The following FMN1 variants were observed in gnomAD, a reference collection of about 807,000 sequenced individuals.
FMN1 encodes formin-1.
Under a neutral mutation model 132.4 loss-of-function variants are expected in FMN1, and 110 were observed. That is an observed-to-expected ratio of 0.83 (90% CI 0.71 to 0.97). The LOEUF is 0.97. Ranked by LOEUF, FMN1 falls within the 50% of genes least tolerant of loss-of-function variation. The pLI, the probability that FMN1 is intolerant of heterozygous loss-of-function variation, is 0.00. For missense variants in FMN1, 1,792 were observed against 1,705.3 expected, an observed-to-expected ratio of 1.05 and a Z score of -0.90; for synonymous variants, 722 against 651.7, an observed-to-expected ratio of 1.11 and a Z score of -1.64.
At chr15:32,932,081 T>C (rs2061134238) in intron 9 of FMN1, among the ~76,000 whole-genome samples, 1 of 152,218 alleles carries the variant, frequency 6.6e-6, no homozygotes, top group South Asian at 2.1e-4. Context: ...TGATGGTATA[T>C]GATCCTTTTA....
intron 6 of FMN1, among the ~76,000 whole-genome samples, chr15:33,047,180 C>A (rs1271661813): frequency 1.3e-5 from 2 of 152,190 alleles, no homozygotes; most frequent in African/African-American, 4.8e-5. Flanking sequence ...TTTGCTGATT[C>A]TTTTCCCCCA....
chr15:33,125,609 G>A (rs899578581), intron 4 of FMN1, among the ~76,000 whole-genome samples: 3 of 152,078 alleles, frequency 2.0e-5, no homozygotes, highest in African/African-American at 7.2e-5. Context: ...GAAGGCCAAG[G>A]CGGGCAGATC....
At chr15:33,022,250 C>CA (rs2035452420) in intron 6 of FMN1, among the ~76,000 whole-genome samples, 1 of 152,048 alleles carries the variant, frequency 6.6e-6, no homozygotes, top group South Asian at 2.1e-4. Context: ...GTTGGATTTG[C>CA]AAATGCAGAA....
At position 33,060,835 on chromosome 15, in the gene FMN1, C is replaced by G. The variant is rs112381904; in HGVS notation, c.2161+4122G>C. Among the ~76,000 whole-genome samples, 784 of 152,326 alleles carry G rather than the reference C, an allele frequency of 5.1e-3. 6 individuals are homozygous for G. Among genetic ancestry groups the G allele is most frequent in the African/African-American group, 0.017 (687 of 41,574 alleles). On this transcript the variant is annotated intron_variant, in intron 6 of 20. Coordinates refer to ENST00000616417, the MANE Select transcript of FMN1 (RefSeq NM_001277313.2). Reference sequence around the variant, plus strand: ...TTTCTTTCTCATTCTGTGAGTAATTCAGTCACTGACAGTTCCCTAAATGTT... The same window carrying G: ...TTTCTTTCTCATTCTGTGAGTAATTGAGTCACTGACAGTTCCCTAAATGTT...
chr15:32,969,365 C>T lies in FMN1; in HGVS notation c.2336G>A (p.Gly779Glu), dbSNP rs2031575962. 1 of 1,613,918 alleles carries T rather than the reference C, an allele frequency of 6.2e-7. No homozygotes were observed. The highest frequency in any genetic ancestry group is 8.5e-7 in the Non-Finnish European group (1 of 1,179,892). Reference protein sequence around the residue: ...LKHELEHRWRGGCEERKDVCI... With the variant: ...LKHELEHRWREGCEERKDVCI... ...CACATCTTTCCTCTCTTCACAACCC[C>T]CTCGCCATCTGTGTTCTAGCTCGTG... Residue 779 changes from glycine (G) to glutamate (E), a missense_variant, in exon 8 of 21, where the codon GGG becomes GAG. Physicochemically the swap from Gly to Glu is moderately conservative, Grantham distance 98. This residue lies in a region of FMN1 where 1,150 missense variants were observed against 1,043.1 expected (regional missense o/e 1.10). Coordinates refer to ENST00000616417, the MANE Select transcript of FMN1 (RefSeq NM_001277313.2).
At chr15:33,055,422 G>A (rs1012594951) in intron 6 of FMN1, among the ~76,000 whole-genome samples, 8 of 152,144 alleles carry the variant, frequency 5.3e-5, no homozygotes, top group East Asian at 1.9e-4. Flanking sequence ...CCTGATCACC[G>A]TGGGTACATG....
intron 16 of FMN1, among the ~76,000 whole-genome samples, chr15:32,871,117 A>G (rs1171526379): frequency 6.6e-6 from 1 of 152,100 alleles, no homozygotes; most frequent in Non-Finnish European, 1.5e-5. Context: ...TCTGAAGGGG[A>G]AGGGAACTCA....
intron 6 of FMN1, among the ~76,000 whole-genome samples, chr15:33,027,375 A>G (rs567840659): frequency 8.3e-4 from 126 of 152,316 alleles, no homozygotes; most frequent in African/African-American, 2.8e-3. Context: ...AAATATACTA[A>G]GTAATTACTC....
intron 3 of FMN1, among the ~76,000 whole-genome samples, chr15:33,175,737 C>CCA: frequency 6.6e-6 from 1 of 152,188 alleles, no homozygotes. Context: ...TCTTCCCATC[C>CCA]CACACACACA....
intron 7 of FMN1, among the ~76,000 whole-genome samples, chr15:32,998,555 T>A (rs1312592300): frequency 2.0e-5 from 3 of 149,660 alleles, no homozygotes; most frequent in Non-Finnish European, 2.9e-5. Flanking sequence ...AATTATTGAG[T>A]GAGGCAGGAC....
At chr15:33,058,107 C>A (rs969383100) in intron 6 of FMN1, among the ~76,000 whole-genome samples, 9 of 107,678 alleles carry the variant, frequency 8.4e-5, no homozygotes, top group Admixed American at 2.6e-4. Context: ...TGGAAAGGTG[C>A]GGCGGGGCTG....
intron 4 of FMN1, among the ~76,000 whole-genome samples, chr15:33,098,663 G>A (rs1595466463): frequency 6.6e-6 from 1 of 152,304 alleles, no homozygotes; most frequent in Non-Finnish European, 1.5e-5. Context: ...GACAGCGGAG[G>A]AGAATTTCTA....
intron 4 of FMN1, among the ~76,000 whole-genome samples, chr15:33,125,765 T>C (rs989982081): frequency 6.6e-5 from 10 of 152,334 alleles, no homozygotes; most frequent in African/African-American, 1.9e-4. Context: ...TGGTGAAATT[T>C]TGGTAAAAAC....
At chr15:33,114,667 G>C (rs910171687) in intron 4 of FMN1, among the ~76,000 whole-genome samples, 1 of 152,170 alleles carries the variant, frequency 6.6e-6, no homozygotes, top group African/African-American at 2.4e-5. Context: ...TTTGGAGAGA[G>C]CCTGTGGGTA....
intron 20 of FMN1, among the ~76,000 whole-genome samples, chr15:32,774,871 C>A (rs1481812409): frequency 6.6e-6 from 1 of 152,192 alleles, no homozygotes; most frequent in African/African-American, 2.4e-5. Flanking sequence ...GGATGTTATG[C>A]TCTTCATTCT....
intron 10 of FMN1, among the ~76,000 whole-genome samples, chr15:32,923,346 A>G (rs564102060): frequency 6.6e-6 from 1 of 152,386 alleles, no homozygotes; most frequent in South Asian, 2.1e-4. Flanking sequence ...AGAATGAAAT[A>G]TAACTGATAC....
intron 6 of FMN1, among the ~76,000 whole-genome samples, chr15:33,046,847 C>CTTA (rs3081663): frequency 6.6e-6 from 1 of 151,760 alleles, no homozygotes; most frequent in Non-Finnish European, 1.5e-5. Flanking sequence ...TGAGGCTAGT[C>CTTA]AAGCTGTAGC....
In FMN1 at chr15:32,937,945, G is replaced by A. The variant is rs147104698; in HGVS notation, c.3139-11684C>T. On this transcript the variant is annotated intron_variant, in intron 9 of 20. Transcript: ENST00000616417. Reference sequence around the variant, plus strand: ...TGTGAACACACATAGAAATGGTTCAGTACAACCCAAGACTTTGATATACAC... The same window carrying A: ...TGTGAACACACATAGAAATGGTTCAATACAACCCAAGACTTTGATATACAC... 2.2e-3 allele frequency among the ~76,000 whole-genome samples: 336 copies of A among 152,302 alleles called. 1 individual carries two copies. Among genetic ancestry groups the A allele is most frequent in the Admixed American group, 3.7e-3 (56 of 15,300 alleles).
intron 9 of FMN1, among the ~76,000 whole-genome samples, chr15:32,930,431 G>T (rs531070866): frequency 6.7e-6 from 1 of 149,240 alleles, no homozygotes. Context: ...TTTTGACAGT[G>T]GCCATTCTGA....
Sources: allele counts gnomAD v4.1 joint callset (sites outside exome capture counted in the v4.1 genomes callset), GRCh38; gene constraint gnomAD v4.1.1; regional missense constraint gnomAD v4.1.1; transcripts MANE v1.5; gene names NCBI Gene and HGNC (gene_info 2026-07-23, HGNC 2026-07-21).